Variants in CWC27 observed in about 807,000 individuals in gnomAD.
CWC27 encodes the protein CWC27 spliceosome associated cyclophilin, also known as spliceosome-associated protein CWC27 homolog.
In CWC27, 47 loss-of-function variants were observed where a neutral mutation model predicts 63.6. That is an observed-to-expected ratio of 0.74 (90% CI 0.58 to 0.94). The LOEUF is 0.94. Among genes scored for constraint, CWC27 ranks in the 40% least tolerant of loss-of-function variants. The pLI, the probability that CWC27 is intolerant of heterozygous loss-of-function variation, is 0.00. For missense variants in CWC27, 495 were observed against 554.3 expected, an observed-to-expected ratio of 0.89 and a Z score of 1.07; for synonymous variants, 175 against 179.8, an observed-to-expected ratio of 0.97 and a Z score of 0.22.
intron 11 of CWC27, among the ~76,000 whole-genome samples, chr5:64,941,912 TAAATA>T (rs1334238541): frequency 2.6e-5 from 4 of 151,786 alleles, no homozygotes; most frequent in Admixed American, 2.0e-4. Flanking sequence ...AGAGTAATAA[TAAATA>T]AATAAATTTA....
At chr5:64,817,661 C>T (rs1356508902) in intron 10 of CWC27, among the ~76,000 whole-genome samples, 1 of 152,052 alleles carries the variant, frequency 6.6e-6, no homozygotes, top group Non-Finnish European at 1.5e-5. Flanking sequence ...TTTGAAGTCT[C>T]ACAGAATTCA....
chr5:64,921,606 A>ACT (rs1407599101), intron 11 of CWC27, among the ~76,000 whole-genome samples: 6 of 152,092 alleles, frequency 3.9e-5, no homozygotes, highest in Non-Finnish European at 8.8e-5. Flanking sequence ...TTGCTTCTTT[A>ACT]TCCATCTTGC....
chr5:64,883,011 G>C (rs140583923), intron 10 of CWC27, among the ~76,000 whole-genome samples: 86 of 152,318 alleles, frequency 5.6e-4, no homozygotes, highest in African/African-American at 2.0e-3. Flanking sequence ...AAGAAAAGAG[G>C]TTTAATTGAC....
intron 10 of CWC27, among the ~76,000 whole-genome samples, chr5:64,809,314 C>A (rs1744795629): frequency 6.6e-6 from 1 of 152,142 alleles, no homozygotes; most frequent in Non-Finnish European, 1.5e-5. Flanking sequence ...AAAATGTATT[C>A]TTTTAGCAAT....
At chr5:64,983,492 G>A (rs904457747) in intron 13 of CWC27, among the ~76,000 whole-genome samples, 10 of 152,164 alleles carry the variant, frequency 6.6e-5, no homozygotes, top group Non-Finnish European at 1.2e-4. Flanking sequence ...TTTGAGAACC[G>A]CTGGGACAAG....
intron 10 of CWC27, among the ~76,000 whole-genome samples, chr5:64,869,854 AT>A (rs994764368): frequency 1.1e-4 from 16 of 151,582 alleles, no homozygotes; most frequent in African/African-American, 3.9e-4. Context: ...TCAGTTTGGG[AT>A]TTTTTTTTCC....
At chr5:64,974,323 G>A (rs190046384) in intron 12 of CWC27, among the ~76,000 whole-genome samples, 2 of 152,114 alleles carry the variant, frequency 1.3e-5, no homozygotes, top group African/African-American at 4.8e-5. Flanking sequence ...ACCCAAAACT[G>A]GGGAAAAAAA....
At chr5:64,936,277 A>C (rs1235607201) in intron 11 of CWC27, among the ~76,000 whole-genome samples, 2 of 152,210 alleles carry the variant, frequency 1.3e-5, no homozygotes, top group Non-Finnish European at 2.9e-5. Flanking sequence ...ACGTTCCATC[A>C]ATACCTAGTC....
At chr5:64,840,402 T>C (rs1171836093) in intron 10 of CWC27, among the ~76,000 whole-genome samples, 15 of 58,082 alleles carry the variant, frequency 2.6e-4, no homozygotes, top group South Asian at 5.8e-4. Flanking sequence ...AAAATATATA[T>C]ATATATATAT....
Position 64,794,602 on chromosome 5 carries a change from C to T in CWC27, c.669+5582C>T, listed in dbSNP as rs538155685. On this transcript the variant is annotated intron_variant, in intron 7 of 13. Coordinates refer to ENST00000381070, the MANE Select transcript of CWC27 (RefSeq NM_005869.4). ...AGAGGAAGGGAAATGGTGGGGAAGA[C>T]GGGAATGATGCCAAAAACCACCTAA... is the stretch of plus-strand genomic sequence containing the variant. Among the ~76,000 whole-genome samples, 41 of 151,936 alleles carry T rather than the reference C, an allele frequency of 2.7e-4. No individual in the cohort carries two copies. In the South Asian group the frequency reaches 6.4e-3, roughly 24 times the overall value.
intron 11 of CWC27, among the ~76,000 whole-genome samples, chr5:64,922,944 G>C (rs905098160): frequency 1.4e-4 from 21 of 152,274 alleles, no homozygotes; most frequent in East Asian, 9.7e-4. Flanking sequence ...GCTGGGACTG[G>C]GTCCATGGCT....
chr5:64,972,813 A>G (rs1218249008), intron 12 of CWC27: 2 of 369,606 alleles, frequency 5.4e-6, no homozygotes, highest in African/African-American at 4.2e-5. Context: ...GCCATGTACT[A>G]ATCACTGTAT....
intron 11 of CWC27, among the ~76,000 whole-genome samples, chr5:64,934,891 T>C (rs187133209): frequency 6.6e-6 from 1 of 152,368 alleles, no homozygotes; most frequent in East Asian, 1.9e-4. Context: ...GTTGTCTGCA[T>C]AAATGTCTTC....
intron 1 of CWC27, among the ~76,000 whole-genome samples, chr5:64,770,504 T>C (rs1277937029): frequency 1.3e-5 from 2 of 152,204 alleles, no homozygotes; most frequent in African/African-American, 4.8e-5. Context: ...CCCTTTCTTA[T>C]CTACTTTCTA....
At chr5:64,902,698 G>A (rs1395389049) in intron 11 of CWC27, among the ~76,000 whole-genome samples, 1 of 151,990 alleles carries the variant, frequency 6.6e-6, no homozygotes, top group African/African-American at 2.4e-5. Context: ...TCTGTTCTAC[G>A]TCATATGCAT....
chr5:64,823,899 ATTTC>A (rs1160434970), intron 10 of CWC27, among the ~76,000 whole-genome samples: 4 of 152,170 alleles, frequency 2.6e-5, no homozygotes, highest in African/African-American at 9.7e-5. Flanking sequence ...AATTATTTTT[ATTTC>A]TTTTGTTTAA....
chr5:64,943,384 G>A (rs1382617979), intron 11 of CWC27, among the ~76,000 whole-genome samples: 1 of 152,204 alleles, frequency 6.6e-6, no homozygotes, highest in Non-Finnish European at 1.5e-5. Flanking sequence ...ACAGTATGCA[G>A]TGAAGTTCCT....
Position 64,921,063 on chromosome 5 carries a change from T to C in CWC27, c.1042+35517T>C, listed in dbSNP as rs28782303. 2.7e-3 allele frequency among the ~76,000 whole-genome samples: 409 copies of C among 152,228 alleles called. 7 individuals carry two copies. Among genetic ancestry groups the C allele is most frequent in the African/African-American group, 9.6e-3 (398 of 41,550 alleles). Reference sequence around the variant, plus strand: ...ATGAATTTGAGATCTTTCTAACTTCTTGTTGTAGCTGTTTAGTGCTATACA... The same window carrying C: ...ATGAATTTGAGATCTTTCTAACTTCCTGTTGTAGCTGTTTAGTGCTATACA... On this transcript the variant is annotated intron_variant, in intron 11 of 13. Coordinates refer to ENST00000381070, the MANE Select transcript of CWC27 (RefSeq NM_005869.4).
chr5:64,843,513 A>G (rs1344869441), intron 10 of CWC27, among the ~76,000 whole-genome samples: 2 of 152,204 alleles, frequency 1.3e-5, no homozygotes, highest in African/African-American at 4.8e-5. Flanking sequence ...AATTCCACTA[A>G]TGACATAACT....
Sources: allele counts gnomAD v4.1 joint callset (sites outside exome capture counted in the v4.1 genomes callset), GRCh38; gene constraint gnomAD v4.1.1; transcripts MANE v1.5; gene names NCBI Gene and HGNC (gene_info 2026-07-23, HGNC 2026-07-21).